The following GRIA4 variants were observed in gnomAD, a reference collection of about 807,000 sequenced individuals.
GRIA4 encodes glutamate receptor 4.
A neutral mutation model predicts 104.0 loss-of-function variants in GRIA4; 34 were observed. That is an observed-to-expected ratio of 0.33 (90% CI 0.25 to 0.44). GRIA4 has a LOEUF of 0.44. Ranked by LOEUF, GRIA4 falls within the 20% of genes least tolerant of loss-of-function variation. GRIA4 has a pLI of 1.00. For missense variants in GRIA4, 750 were observed against 1,096.5 expected (o/e 0.68, Z 4.46); for synonymous variants, 386 against 381.9 (o/e 1.01, Z -0.13).
chr11:105,635,172 AT>A (rs1016174885), intron 3 of GRIA4, among the ~76,000 whole-genome samples: 1 of 152,160 alleles, frequency 6.6e-6, no homozygotes, highest in African/African-American at 2.4e-5. Flanking sequence ...TAAAATAATA[AT>A]ATTAGAGACT....
At chr11:105,673,895 G>T (rs1466536973) in intron 3 of GRIA4, among the ~76,000 whole-genome samples, 1 of 151,836 alleles carries the variant, frequency 6.6e-6, no homozygotes. Flanking sequence ...CAATTTATAA[G>T]ATCAATGGAA....
At chr11:105,862,442 T>G (rs57375419) in intron 5 of GRIA4, 2 of 380,432 alleles carry the variant, frequency 5.3e-6, no homozygotes, top group East Asian at 1.0e-4. Context: ...TTCTTAAGAC[T>G]TGAATGAGTG....
chr11:105,828,246 C>T (rs652043), intron 4 of GRIA4, among the ~76,000 whole-genome samples: 27,558 of 151,792 alleles, frequency 0.18, 3,037 homozygotes, highest in African/African-American at 0.31. Flanking sequence ...AGCCTCTGGG[C>T]GTTTGTAGAG....
chr11:105,725,414 C>A (rs949448552), intron 3 of GRIA4, among the ~76,000 whole-genome samples: 2 of 152,118 alleles, frequency 1.3e-5, no homozygotes, highest in African/African-American at 4.8e-5. Context: ...TGGTTTCAGC[C>A]TTGCACATAG....
intron 3 of GRIA4, among the ~76,000 whole-genome samples, chr11:105,618,505 G>A (rs184853895): frequency 6.6e-6 from 1 of 152,114 alleles, no homozygotes; most frequent in African/African-American, 2.4e-5. Flanking sequence ...TGCAGGGGAA[G>A]TGTGGTAAAA....
intron 14 of GRIA4, among the ~76,000 whole-genome samples, chr11:105,951,910 C>T (rs985606140): frequency 4.6e-5 from 7 of 152,032 alleles, no homozygotes; most frequent in African/African-American, 1.7e-4. Context: ...CTGCAGTGAG[C>T]CATGATCATG....
chr11:105,912,320 G>A (rs1306970958), intron 10 of GRIA4: 2 of 975,738 alleles, frequency 2.0e-6, no homozygotes, highest in Admixed American at 6.2e-5. Context: ...AATTTTGCCT[G>A]TTCTGTGTGA....
At chr11:105,900,104 C>T (rs1336517208) in intron 7 of GRIA4, among the ~76,000 whole-genome samples, 1 of 152,124 alleles carries the variant, frequency 6.6e-6, no homozygotes, top group Non-Finnish European at 1.5e-5. Flanking sequence ...TGTTGGGTTA[C>T]TCAAATTTTT....
intron 3 of GRIA4, among the ~76,000 whole-genome samples, chr11:105,751,070 T>C (rs758221396): frequency 1.2e-4 from 18 of 152,194 alleles, no homozygotes; most frequent in Non-Finnish European, 2.4e-4. Flanking sequence ...TGTTTACATT[T>C]TCTAGAACAA....
intron 3 of GRIA4, among the ~76,000 whole-genome samples, chr11:105,666,080 TGTATAGAG>T (rs1565447762): frequency 6.6e-6 from 1 of 152,072 alleles, no homozygotes; most frequent in African/African-American, 2.4e-5. Flanking sequence ...AATGTTTTTC[TGTATAGAG>T]GTAAAGTGAT....
chr11:105,925,789 A>G (rs1158114624), intron 12 of GRIA4, among the ~76,000 whole-genome samples: 1 of 152,122 alleles, frequency 6.6e-6, no homozygotes, highest in Non-Finnish European at 1.5e-5. Context: ...CAAGTATTAT[A>G]ATAAGGGAGT....
At chr11:105,850,896 T>A (rs553387437) in intron 4 of GRIA4, among the ~76,000 whole-genome samples, 9 of 152,258 alleles carry the variant, frequency 5.9e-5, no homozygotes, top group African/African-American at 2.2e-4. Flanking sequence ...GGAATAAAAT[T>A]AACCCAAACT....
chr11:105,765,781 T>C (rs1202533204), intron 4 of GRIA4, among the ~76,000 whole-genome samples: 1 of 152,198 alleles, frequency 6.6e-6, no homozygotes, highest in African/African-American at 2.4e-5. Context: ...ACTGAGCAGT[T>C]GCAACAGGCA....
At chr11:105,612,463 A>G in intron 3 of GRIA4, 29 bp downstream of exon 3, 1 of 1,599,006 alleles carries the variant, frequency 6.3e-7, no homozygotes, top group Non-Finnish European at 8.6e-7. Context: ...ATGAAAAATT[A>G]GAAGAGAACT....
Position 105,845,711 on chromosome 11 carries a change from G to A in GRIA4, c.488-16313G>A, listed in dbSNP as rs113704901. 3.5e-3 allele frequency among the ~76,000 whole-genome samples: 530 copies of A among 152,170 alleles called. 3 individuals carry two copies. Among genetic ancestry groups the A allele is most frequent in the African/African-American group, 0.012 (497 of 41,534 alleles). ...ATCCTGGCTAATACGGTGAAATGCTGTCTCTACTAAAAATACAAAAAAATT... is the reference window on the plus strand; with the variant it reads ...ATCCTGGCTAATACGGTGAAATGCTATCTCTACTAAAAATACAAAAAAATT... On this transcript the variant is annotated intron_variant, in intron 4 of 16. Coordinates refer to ENST00000282499, the MANE Select transcript of GRIA4 (RefSeq NM_000829.4).
Position 105,910,428 on chromosome 11 carries a change from T to C in GRIA4, c.1159-7T>C. ...ATATGTTTTCAAGCATGTTCTCTAT[T>C]TGGCAGGTTGGTTACTGGAATGATA... On this transcript the variant is annotated splice_polypyrimidine_tract_variant and splice_region_variant and intron_variant, in intron 9 of 16. Transcript: ENST00000282499. The C allele has an allele frequency of 7.3e-7, 1 of 1,370,434 alleles. No homozygotes were observed. Among genetic ancestry groups the C allele is most frequent in the Non-Finnish European group, 1.0e-6 (1 of 957,908 alleles). The allele number at this position is 1,370,434 out of a possible 1,614,324, so 84.9% of individuals were successfully genotyped here.
chr11:105,821,883 C>T (rs1375332683), intron 4 of GRIA4, among the ~76,000 whole-genome samples: 1 of 152,102 alleles, frequency 6.6e-6, no homozygotes, highest in Non-Finnish European at 1.5e-5. Context: ...CATATTAAGC[C>T]GAGTCAGGCT....
intron 3 of GRIA4, among the ~76,000 whole-genome samples, chr11:105,748,923 C>T (rs1295185055): frequency 1.3e-5 from 2 of 152,114 alleles, no homozygotes; most frequent in Non-Finnish European, 2.9e-5. Context: ...GTGGGTGGTA[C>T]AGTTTGGGGG....
chr11:105,783,951 C>T (rs1013126575), intron 4 of GRIA4, among the ~76,000 whole-genome samples: 7 of 152,058 alleles, frequency 4.6e-5, no homozygotes, highest in Admixed American at 3.9e-4. Flanking sequence ...TAAATGTAAC[C>T]GAATTATTAG....
Sources: gnomAD v4.1 joint callset for allele counts (sites outside exome capture counted in the v4.1 genomes callset) on GRCh38, gnomAD v4.1.1 for gene constraint, MANE v1.5 for transcripts, NCBI Gene and HGNC (gene_info 2026-07-23, HGNC 2026-07-21) for gene names.